The following MOV10L1 variants were observed in gnomAD, a reference collection of about 807,000 sequenced individuals.
MOV10L1 encodes the protein RNA helicase Mov10l1.
A neutral mutation model predicts 143.8 loss-of-function variants in MOV10L1; 110 were observed. The observed-to-expected ratio is 0.76, with a 90% CI of 0.66 to 0.90. The LOEUF is 0.90. MOV10L1 is among the 40% of genes least tolerant of loss of function. The probability of loss-of-function intolerance (pLI) is 0.00; values close to 1 mark genes in which losing one functional copy is unlikely to be tolerated. For synonymous variants in MOV10L1, 593 were observed against 581.1 expected (o/e 1.02, Z -0.29); for missense variants, 1,406 against 1,526.8 (o/e 0.92, Z 1.32).
At chr22:50,153,398 G>A (rs2063347455) in intron 22 of MOV10L1, among the ~76,000 whole-genome samples, 180 bp downstream of exon 22, 1 of 152,234 alleles carries the variant, frequency 6.6e-6, no homozygotes, top group African/African-American at 2.4e-5. Flanking sequence ...GACTTCTCCT[G>A]CCAGATGAGT....
intron 19 of MOV10L1, chr22:50,146,937 G>T: frequency 1.2e-6 from 1 of 857,528 alleles, no homozygotes; most frequent in Non-Finnish European, 1.9e-6. Flanking sequence ...AGCATGTCAG[G>T]TTTCAGACTA....
At chr22:50,147,069 C>A in intron 19 of MOV10L1, 1 of 1,556,756 alleles carries the variant, frequency 6.4e-7, no homozygotes, top group Non-Finnish European at 8.7e-7. Context: ...GCCGAAGAGC[C>A]AGTCCTCACT....
intron 15 of MOV10L1, among the ~76,000 whole-genome samples, chr22:50,138,790 G>A (rs1237638627): frequency 6.6e-6 from 1 of 151,932 alleles, no homozygotes; most frequent in African/African-American, 2.4e-5. Context: ...TGCAACCTCC[G>A]CCTCCCAGAT....
At position 50,143,044 on chromosome 22, in the gene MOV10L1, A is replaced by G. The variant is rs1486618584; in HGVS notation, c.2181A>G (p.Val727=). 3 of 1,613,796 alleles carry G rather than the reference A, an allele frequency of 1.9e-6. No homozygotes were observed. The highest frequency in any genetic ancestry group is 2.5e-6 in the Non-Finnish European group (3 of 1,179,836). Residue 727 remains valine (V), a splice_region_variant and synonymous_variant, in exon 17 of 27, where the codon GTA becomes GTG. Coordinates refer to ENST00000262794, the MANE Select transcript of MOV10L1 (RefSeq NM_018995.3). The part of the protein sequence containing the change: ...APFTAEMSDW[V]DEIQTPKARK... ...AAACTTTCTTCACTTTGAATACAGT[A>G]GATGAAATTCAGACCCCTAAAGCAA...
chr22:50,120,099 G>A (rs189208483), intron 9 of MOV10L1, among the ~76,000 whole-genome samples: 1 of 152,314 alleles, frequency 6.6e-6, no homozygotes, highest in African/African-American at 2.4e-5. Context: ...AGACAGAGCA[G>A]CCTTTTCCTA....
chr22:50,108,960 C>T (rs4838801), intron 5 of MOV10L1, 116 bp downstream of exon 5: 127,876 of 915,368 alleles, frequency 0.14, 9,333 homozygotes, highest in Admixed American at 0.21. Context: ...GCCTGACCAA[C>T]GTGGTGAAAC....
intron 16 of MOV10L1, among the ~76,000 whole-genome samples, chr22:50,142,708 C>T (rs112594070): frequency 3.3e-5 from 5 of 151,338 alleles, no homozygotes; most frequent in Admixed American, 1.3e-4. Context: ...TGGTGGTGGG[C>T]GCCTGTGGTC....
At chr22:50,104,142 A>T (rs182416312) in intron 3 of MOV10L1, among the ~76,000 whole-genome samples, 1 of 152,260 alleles carries the variant, frequency 6.6e-6, no homozygotes, top group African/African-American at 2.4e-5. Flanking sequence ...TCCAGCTCCT[A>T]TGAGAATCTA....
chr22:50,160,253 CTTT>C (rs571939734), intron 24 of MOV10L1, among the ~76,000 whole-genome samples: 1 of 97,666 alleles, frequency 1.0e-5, no homozygotes. Flanking sequence ...TTTTTTCTTT[CTTT>C]TTTTTTTTTT....
intron 1 of MOV10L1, chr22:50,090,454 G>T: frequency 6.2e-7 from 1 of 1,605,934 alleles, no homozygotes; most frequent in Non-Finnish European, 8.5e-7. Flanking sequence ...TTTACGCCGA[G>T]CAGCTGCCAA....
intron 2 of MOV10L1, among the ~76,000 whole-genome samples, chr22:50,097,068 A>T (rs1342914150): frequency 6.6e-6 from 1 of 152,146 alleles, no homozygotes; most frequent in Admixed American, 6.6e-5. Context: ...ATTTTTTTCT[A>T]CCAAGAGTTT....
At position 50,099,486 on chromosome 22, in the gene MOV10L1, A is replaced by G. The variant is rs751702200; in HGVS notation, c.326A>G (p.His109Arg). The change falls in exon 3 of 27, where the codon CAT becomes CGT. Residue 109 changes from histidine to arginine, a missense_variant. Physicochemically the swap from His to Arg is conservative, Grantham distance 29. Coordinates refer to ENST00000262794, the MANE Select transcript of MOV10L1 (RefSeq NM_018995.3). ...SDKWEDDSRN[H>R]GSPSDCGPRV... is the part of the protein sequence containing the mutation. Reference sequence around the variant, plus strand: ...AAGTGGGAAGACGACAGCAGAAACCATGGGAGTCCCTCAGACTGCGGCCCC... The same window carrying G: ...AAGTGGGAAGACGACAGCAGAAACCGTGGGAGTCCCTCAGACTGCGGCCCC... 1.2e-6 allele frequency: 2 copies of G among 1,614,062 alleles called. No homozygotes were observed. The highest frequency in any genetic ancestry group is 2.7e-5 in the African/African-American group (2 of 74,928).
chr22:50,127,315 C>T (rs971456202), intron 12 of MOV10L1, among the ~76,000 whole-genome samples: 1 of 152,226 alleles, frequency 6.6e-6, no homozygotes, highest in Non-Finnish European at 1.5e-5. Context: ...ATTGATCAAA[C>T]CCTGGCATCT....
intron 13 of MOV10L1, among the ~76,000 whole-genome samples, chr22:50,128,885 A>T (rs1235266934): frequency 6.7e-6 from 1 of 150,268 alleles, no homozygotes; most frequent in Non-Finnish European, 1.5e-5. Flanking sequence ...CAGGCTGGTC[A>T]TAAACTCCTA....
chr22:50,138,485 G>A (rs2062893987), intron 15 of MOV10L1, among the ~76,000 whole-genome samples: 1 of 151,926 alleles, frequency 6.6e-6, no homozygotes, highest in East Asian at 1.9e-4. Flanking sequence ...TTGAGCCTGG[G>A]AGGTTGAGGC....
Position 50,117,206 on chromosome 22 carries a change from C to T in MOV10L1, c.1309C>T (p.Leu437=), listed in dbSNP as rs882753. 223,432 of 1,611,884 alleles carry T rather than the reference C, an allele frequency of 0.14. 15,918 individuals carry two copies. The highest frequency in any genetic ancestry group is 0.21 in the Admixed American group (12,628 of 59,716). ...CCTTTTGCTCTGTTTTTCCGATTTC[C>T]TAATTGGGCGATACCTTGAAGTAAA... ...ELLLLCFSDF[L]IGRYLEVNVI... The change falls in exon 9 of 27, where the codon CTA becomes TTA. Residue 437 remains leucine (L), a synonymous_variant. Transcript: ENST00000262794.
At chr22:50,131,099 G>A (rs1478046226) in intron 13 of MOV10L1, among the ~76,000 whole-genome samples, 2 of 149,378 alleles carry the variant, frequency 1.3e-5, no homozygotes, top group Non-Finnish European at 3.0e-5. Flanking sequence ...TTAGTGAGAC[G>A]GGGTTTCACT....
At chr22:50,116,883 T>G (rs1375908577) in intron 8 of MOV10L1, among the ~76,000 whole-genome samples, 1 of 152,086 alleles carries the variant, frequency 6.6e-6, no homozygotes, top group Non-Finnish European at 1.5e-5. Flanking sequence ...CTCAAACTCC[T>G]GGGCTCAAGC....
intron 3 of MOV10L1, among the ~76,000 whole-genome samples, chr22:50,106,392 C>T (rs1045208425): frequency 6.9e-6 from 1 of 144,586 alleles, no homozygotes; most frequent in Non-Finnish European, 1.5e-5. Flanking sequence ...TCTCAAACTC[C>T]TGGGCTCAAG....
Sources: allele counts gnomAD v4.1 joint callset (sites outside exome capture counted in the v4.1 genomes callset), GRCh38; gene constraint gnomAD v4.1.1; transcripts MANE v1.5; gene names NCBI Gene and HGNC (gene_info 2026-07-23, HGNC 2026-07-21).